FAAH2: variants seen among roughly 807,000 people sequenced by gnomAD.
FAAH2 encodes fatty-acid amide hydrolase 2.
A neutral mutation model predicts 36.9 loss-of-function variants in FAAH2; 60 were observed. The ratio of observed to expected loss-of-function variants is 1.63; its 90% CI spans 1.32 to 2.02. The LOEUF (loss-of-function observed/expected upper bound fraction) is 2.02. FAAH2 is among the 30% of genes most tolerant of loss of function. FAAH2 has a pLI of 0.00. For missense variants in FAAH2, 689 were observed against 397.5 expected (o/e 1.73, Z -6.23); for synonymous variants, 214 against 143.8 (o/e 1.49, Z -3.49).
At chrX:57,329,276 C>G (rs909146863) in intron 3 of FAAH2, among the ~76,000 whole-genome samples, 10 of 111,695 alleles carry the variant, frequency 9.0e-5, no homozygotes, top group African/African-American at 2.9e-4. Context: ...ATAGGGCTTT[C>G]TAGCAGCAAC....
At chrX:57,464,872 T>C in intron 10 of FAAH2, among the ~76,000 whole-genome samples, 2 of 110,832 alleles carry the variant, frequency 1.8e-5, no homozygotes, top group Non-Finnish European at 3.8e-5. Flanking sequence ...AAAAAAACAA[T>C]GACAACAAAA....
chrX:57,441,281 C>A (rs1209812633), intron 8 of FAAH2, among the ~76,000 whole-genome samples: 1 of 111,075 alleles, frequency 9.0e-6, no homozygotes, highest in Admixed American at 9.6e-5. Context: ...ATTTCAGAAC[C>A]TGTTATTGGT....
intron 10 of FAAH2, among the ~76,000 whole-genome samples, chrX:57,466,545 T>A (rs1287810334): frequency 9.2e-6 from 1 of 109,277 alleles, no homozygotes; most frequent in Non-Finnish European, 1.9e-5. Flanking sequence ...ATTTCAGTAA[T>A]AACATTAAAT....
intron 8 of FAAH2, among the ~76,000 whole-genome samples, chrX:57,434,232 C>T (rs961529570): frequency 9.2e-6 from 1 of 108,583 alleles, no homozygotes; most frequent in Non-Finnish European, 1.9e-5. Flanking sequence ...CACGCCACAA[C>T]ACTTGGCTAA....
At chrX:57,312,616 G>C (rs2052726243) in intron 3 of FAAH2, among the ~76,000 whole-genome samples, 1 of 109,505 alleles carries the variant, frequency 9.1e-6, no homozygotes, top group Non-Finnish European at 1.9e-5. Context: ...GGAGGTGGAA[G>C]TTGCAGTAAT....
At chrX:57,371,370 G>A (rs942745470) in intron 5 of FAAH2, among the ~76,000 whole-genome samples, 1 of 111,838 alleles carries the variant, frequency 8.9e-6, no homozygotes, top group Non-Finnish European at 1.9e-5. Context: ...GTCTGTGTTA[G>A]TTTGCTTAGG....
chrX:57,237,974 G>T, the FAAH2 span, among the ~76,000 whole-genome samples: 1 of 111,596 alleles, frequency 9.0e-6, no homozygotes, highest in South Asian at 3.8e-4. Context: ...AGTTAGAATT[G>T]TTATTATTAA....
At chrX:57,231,965 G>A in the FAAH2 span, among the ~76,000 whole-genome samples, 3 of 111,474 alleles carry the variant, frequency 2.7e-5, no homozygotes, top group African/African-American at 9.8e-5. Flanking sequence ...TAACAAAGGA[G>A]ACTTTCATTC....
upstream of FAAH2, chrX:57,286,585 G>A (rs965328923): frequency 1.0e-5 from 3 of 290,380 alleles, no homozygotes; most frequent in Non-Finnish European, 1.8e-5. Context: ...TCTGTCTTGG[G>A]TTACAACAGC....
At chrX:57,226,688 G>A in the FAAH2 span, among the ~76,000 whole-genome samples, 1 of 112,028 alleles carries the variant, frequency 8.9e-6, no homozygotes, top group African/African-American at 3.2e-5. Context: ...GTATTTGCAT[G>A]TCTAGGTCTC....
At chrX:57,486,671 C>T (rs951499856) in intron 10 of FAAH2, among the ~76,000 whole-genome samples, 1 of 111,604 alleles carries the variant, frequency 9.0e-6, no homozygotes, top group Admixed American at 9.5e-5. Context: ...CTGTAAAGCA[C>T]CCCACAATGA....
chrX:57,408,355 G>C (rs1041021347), intron 7 of FAAH2, among the ~76,000 whole-genome samples: 4 of 110,227 alleles, frequency 3.6e-5, no homozygotes, highest in Non-Finnish European at 7.6e-5. Flanking sequence ...AGTTATTAAT[G>C]TACAGACTTT....
At chrX:57,255,470 C>T in the FAAH2 span, among the ~76,000 whole-genome samples, 1 of 111,502 alleles carries the variant, frequency 9.0e-6, no homozygotes, top group Non-Finnish European at 1.9e-5. Flanking sequence ...GAGACACAAC[C>T]AAAAAAGAGA....
At chrX:57,202,178 G>A in the FAAH2 span, among the ~76,000 whole-genome samples, 1 of 111,705 alleles carries the variant, frequency 9.0e-6, no homozygotes, top group Non-Finnish European at 1.9e-5. Context: ...ATTATTTCTT[G>A]GATGCTCTTG....
At chrX:57,253,813 A>G in the FAAH2 span, among the ~76,000 whole-genome samples, 1 of 111,907 alleles carries the variant, frequency 8.9e-6, no homozygotes, top group Non-Finnish European at 1.9e-5. Flanking sequence ...CAGCCACTGT[A>G]AAAACATGCC....
chrX:57,305,972 G>C (rs866220042), intron 2 of FAAH2, among the ~76,000 whole-genome samples: 2 of 112,055 alleles, frequency 1.8e-5, no homozygotes, highest in Middle Eastern at 4.6e-3. Flanking sequence ...TTTTGCCTTG[G>C]ATGAGGCTCA....
intron 8 of FAAH2, among the ~76,000 whole-genome samples, chrX:57,440,707 T>A (rs184102700): frequency 3.7e-4 from 41 of 111,962 alleles, no homozygotes; most frequent in African/African-American, 1.2e-3. Flanking sequence ...CTTCCAGTTT[T>A]TGCCCATTCA....
chrX:57,295,863 G>A (rs1480933324), intron 2 of FAAH2, among the ~76,000 whole-genome samples: 1 of 112,421 alleles, frequency 8.9e-6, no homozygotes, highest in African/African-American at 3.2e-5. Context: ...TCATTGCTAG[G>A]ACAGCAGTCT....
At chrX:57,146,830 T>C in the FAAH2 span, among the ~76,000 whole-genome samples, 9 of 111,928 alleles carry the variant, frequency 8.0e-5, no homozygotes, top group Non-Finnish European at 1.3e-4. Context: ...AATCAGGTGA[T>C]TTTTGTATTT....
Sources: gnomAD v4.1 joint callset for allele counts (sites outside exome capture counted in the v4.1 genomes callset) on GRCh38, gnomAD v4.1.1 for gene constraint, MANE v1.5 for transcripts, NCBI Gene and HGNC (gene_info 2026-07-23, HGNC 2026-07-21) for gene names.